Variants in KIAA1549L observed in about 807,000 individuals in gnomAD.
The protein encoded by KIAA1549L is KIAA1549 like, also known as UPF0606 protein KIAA1549L.
In KIAA1549L, 88 loss-of-function variants were observed where a neutral mutation model predicts 160.7. The ratio of observed to expected loss-of-function variants is 0.55; its 90% confidence interval spans 0.46 to 0.65. KIAA1549L has a LOEUF of 0.65. KIAA1549L is among the 30% of genes least tolerant of loss of function. The pLI is 0.00. For missense variants in KIAA1549L, 2,258 were observed against 2,437.5 expected (o/e 0.93, Z 1.55); for synonymous variants, 950 against 976.7 (o/e 0.97, Z 0.51).
Position 33,460,461 on chromosome 11 carries a change from G to A in KIAA1549L, c.239-81341G>A, listed in dbSNP as rs543278365. On this transcript the variant is annotated intron_variant, in intron 1 of 20. Coordinates refer to ENST00000658780, the MANE Select transcript of KIAA1549L (RefSeq NM_012194.3). ...GTGGGACCCATATGGGCGTGAGTGA[G>A]TTCATGGGTTCCTGGTGTAGCAGAA... Among the ~76,000 whole-genome samples, 4 of 152,348 alleles carry A rather than the reference G, an allele frequency of 2.6e-5. No homozygotes were observed. In the East Asian group the frequency reaches 7.7e-4, roughly 29 times the overall value.
At chr11:33,646,449 G>T (rs890012539) in intron 17 of KIAA1549L, among the ~76,000 whole-genome samples, 6 of 152,188 alleles carry the variant, frequency 3.9e-5, no homozygotes, top group African/African-American at 1.2e-4. Context: ...TGAGCCAGAT[G>T]GCTCGAATTT....
intron 1 of KIAA1549L, among the ~76,000 whole-genome samples, chr11:33,454,206 A>G (rs1851776298): frequency 6.6e-6 from 1 of 152,192 alleles, no homozygotes; most frequent in Non-Finnish European, 1.5e-5. Context: ...TAAAACCAGA[A>G]TTTACTGATA....
At chr11:33,438,494 C>T (rs1851425207) in intron 1 of KIAA1549L, among the ~76,000 whole-genome samples, 1 of 152,164 alleles carries the variant, frequency 6.6e-6, no homozygotes, top group African/African-American at 2.4e-5. Flanking sequence ...CCCGTGGTGA[C>T]AGGTGGAGGG....
At chr11:33,624,728 TTTTC>T (rs1183086332) in intron 16 of KIAA1549L, among the ~76,000 whole-genome samples, 5 of 151,328 alleles carry the variant, frequency 3.3e-5, no homozygotes, top group African/African-American at 1.2e-4. Context: ...ATTTAAGAGA[TTTTC>T]TTTTTTTTTT....
chr11:33,401,475 C>T (rs909114358), intron 1 of KIAA1549L, among the ~76,000 whole-genome samples: 24 of 151,808 alleles, frequency 1.6e-4, no homozygotes, highest in Non-Finnish European at 3.2e-4. Context: ...TTTTAACCTC[C>T]CTCCAGACAC....
chr11:33,563,348 C>CAA (rs68027285), intron 8 of KIAA1549L, among the ~76,000 whole-genome samples: 11 of 95,938 alleles, frequency 1.1e-4, no homozygotes, highest in Non-Finnish European at 1.6e-4. Context: ...GACCGTGTCT[C>CAA]AAAAAAAAAA....
intron 1 of KIAA1549L, among the ~76,000 whole-genome samples, chr11:33,503,490 A>G (rs1354788102): frequency 3.9e-5 from 6 of 152,228 alleles, no homozygotes; most frequent in Non-Finnish European, 7.3e-5. Flanking sequence ...TGGCTGGGTC[A>G]TAGGATCTGC....
intron 1 of KIAA1549L, among the ~76,000 whole-genome samples, chr11:33,475,250 G>A (rs771629601): frequency 3.9e-5 from 6 of 152,108 alleles, no homozygotes; most frequent in Non-Finnish European, 8.8e-5. Context: ...GGCTGCTAGT[G>A]TATGGATGCA....
At chr11:33,609,683 G>T in intron 14 of KIAA1549L, 66 bp from the exon 15 acceptor site, 1 of 1,298,240 alleles carries the variant, frequency 7.7e-7, no homozygotes, top group Non-Finnish European at 1.1e-6. Context: ...TAACCTCCTG[G>T]TGAAAGTCTC....
chr11:33,449,233 A>AT lies in KIAA1549L; in HGVS notation c.238+72356dup, dbSNP rs553540920. Among the ~76,000 whole-genome samples, 763 of 145,718 alleles carry AT rather than the reference A, an allele frequency of 5.2e-3. 4 individuals are homozygous for AT. The highest frequency in any genetic ancestry group is 0.016 in the African/African-American group (623 of 40,058). ...AACTTTTTGGAAAATTTGCTCTTCA[A>AT]TTTTTTTTTTTTCTGTGTGTGATCT... On this transcript the variant is annotated intron_variant, in intron 1 of 20. Transcript: ENST00000658780.
chr11:33,546,579 A>G (rs1323948584), intron 3 of KIAA1549L, among the ~76,000 whole-genome samples: 1 of 152,144 alleles, frequency 6.6e-6, no homozygotes, highest in African/African-American at 2.4e-5. Context: ...CAACAGCCAC[A>G]TTTATCTCTC....
intron 1 of KIAA1549L, among the ~76,000 whole-genome samples, chr11:33,536,566 C>T (rs904738996): frequency 1.3e-5 from 2 of 152,120 alleles, no homozygotes; most frequent in African/African-American, 4.8e-5. Context: ...GTGGCTTGGC[C>T]TTTGATGATG....
At chr11:33,379,567 C>T (rs555703366) in intron 1 of KIAA1549L, among the ~76,000 whole-genome samples, 2 of 152,174 alleles carry the variant, frequency 1.3e-5, no homozygotes, top group African/African-American at 2.4e-5. Context: ...TGACTTCACT[C>T]TCTTTTTAAC....
At chr11:33,568,299 A>G in intron 9 of KIAA1549L, 72 bp downstream of exon 9, 2 of 1,446,466 alleles carry the variant, frequency 1.4e-6, no homozygotes, top group Non-Finnish European at 9.4e-7. Flanking sequence ...TCCTGAGACT[A>G]AATAAGTCAG....
chr11:33,512,932 G>T (rs1484333238), intron 1 of KIAA1549L, among the ~76,000 whole-genome samples: 1 of 152,148 alleles, frequency 6.6e-6, no homozygotes, highest in African/African-American at 2.4e-5. Context: ...TGAGACCAAA[G>T]ACAGAAAAGA....
At chr11:33,382,753 A>G (rs997955287) in intron 1 of KIAA1549L, among the ~76,000 whole-genome samples, 2 of 152,088 alleles carry the variant, frequency 1.3e-5, no homozygotes, top group African/African-American at 2.4e-5. Flanking sequence ...TCCCATCCCC[A>G]CAAAGTAAAG....
At chr11:33,494,641 A>G (rs1852772885) in intron 1 of KIAA1549L, among the ~76,000 whole-genome samples, 2 of 152,160 alleles carry the variant, frequency 1.3e-5, no homozygotes, top group Admixed American at 1.3e-4. Flanking sequence ...GCATCACAGG[A>G]GAGGTAATTG....
chr11:33,585,403 A>G (rs1855780373), intron 11 of KIAA1549L, among the ~76,000 whole-genome samples: 1 of 152,186 alleles, frequency 6.6e-6, no homozygotes, highest in African/African-American at 2.4e-5. Context: ...CTGTAATCCA[A>G]GCTACTCAGG....
intron 1 of KIAA1549L, among the ~76,000 whole-genome samples, chr11:33,433,858 T>C (rs947973663): frequency 6.6e-6 from 1 of 152,106 alleles, no homozygotes; most frequent in African/African-American, 2.4e-5. Flanking sequence ...AAACACCACA[T>C]GTTCTCACTC....
Sources: allele counts gnomAD v4.1 joint callset (sites outside exome capture counted in the v4.1 genomes callset), GRCh38; gene constraint gnomAD v4.1.1; transcripts MANE v1.5; gene names NCBI Gene and HGNC (gene_info 2026-07-23, HGNC 2026-07-21).